NRF1: variants seen among roughly 807,000 people sequenced by gnomAD.
The protein encoded by NRF1 is alpha palindromic-binding protein.
NRF1 carries 5 observed loss-of-function variants against 58.5 expected under a neutral mutation model. The observed-to-expected ratio is 0.09, with a 90% confidence interval of 0.04 to 0.18. The LOEUF is 0.18. Among genes scored for constraint, NRF1 ranks in the 10% least tolerant of loss-of-function variants. NRF1 has a pLI of 1.00. For missense variants in NRF1, 288 were observed against 657.7 expected (o/e 0.44, Z 6.15); for synonymous variants, 224 against 246.7 (o/e 0.91, Z 0.86).
intron 10 of NRF1, among the ~76,000 whole-genome samples, chr7:129,750,398 T>C (rs1021548830): frequency 1.3e-5 from 2 of 152,188 alleles, no homozygotes; most frequent in African/African-American, 4.8e-5. Flanking sequence ...CCCTTTCCCT[T>C]GCCAGGGACA....
Position 129,755,338 on chromosome 7 carries a change from C to A in NRF1, c.*157C>A. 1.5e-6 allele frequency: 1 copy of A among 650,128 alleles called. No homozygotes were observed. Among genetic ancestry groups the A allele is most frequent in the Non-Finnish European group, 2.4e-6 (1 of 421,446 alleles). 40.3% of individuals were successfully genotyped at this position (650,128 alleles called of 1,614,324 possible). On this transcript the variant is annotated 3_prime_UTR_variant, in exon 11 of 11. Transcript: ENST00000393232. The surrounding 1 kb of genome is among the most constrained non-coding windows in gnomAD (Gnocchi z 5.8). ...AGGAAGAAAGCGGATTTTGGAATTG[C>A]ATTTTTTAAAGCACCACTCTTGATT...
chr7:129,645,260 GA>G (rs1801379929), intron 1 of NRF1, among the ~76,000 whole-genome samples: 1 of 152,144 alleles, frequency 6.6e-6, no homozygotes, highest in Admixed American at 6.5e-5. Flanking sequence ...TTACAACTAA[GA>G]CAGAAAAAGT....
At chr7:129,644,545 A>G (rs778979005) in intron 1 of NRF1, among the ~76,000 whole-genome samples, 2 of 152,270 alleles carry the variant, frequency 1.3e-5, no homozygotes, top group Non-Finnish European at 2.9e-5. Context: ...ACATATGGCC[A>G]TTTAATATTA....
rs1415885262 is a variant in NRF1 at position 129,650,349 on chromosome 7, C to T, written c.-6-6997C>T. Among the ~76,000 whole-genome samples the T allele has an allele frequency of 1.4e-4, 22 of 151,950 alleles. 1 individual carries two copies. Among genetic ancestry groups the T allele is most frequent in the Admixed American group, 1.4e-3 (22 of 15,250 alleles). On this transcript the variant is annotated intron_variant, in intron 1 of 10. Transcript: ENST00000393232. ...GAATCACTCTCAAGTCCATCTGCTG[C>T]CTCTTCATTTTGTGCACTGTTGTGA...
chr7:129,713,816 C>G (rs1562980101), intron 8 of NRF1, among the ~76,000 whole-genome samples: 1 of 152,158 alleles, frequency 6.6e-6, no homozygotes, highest in Non-Finnish European at 1.5e-5. Context: ...GAGGTGTAGC[C>G]CCTGAGCTTA....
At chr7:129,727,424 A>C (rs975659827) in intron 10 of NRF1, 59 bp downstream of exon 10, 18 of 1,520,132 alleles carry the variant, frequency 1.2e-5, no homozygotes, top group Non-Finnish European at 1.5e-5. Flanking sequence ...AACCTTCCTG[A>C]CATGACTGGC....
intron 3 of NRF1, among the ~76,000 whole-genome samples, chr7:129,672,378 C>T (rs1290504832): frequency 6.6e-6 from 1 of 151,892 alleles, no homozygotes; most frequent in Non-Finnish European, 1.5e-5. Context: ...TTGACTCTTA[C>T]TCTGAGTGAG....
In NRF1 at chr7:129,742,544, G is replaced by C. The variant is rs193245411; in HGVS notation, c.1349-12474G>C. Among the ~76,000 whole-genome samples, 5 of 152,306 alleles carry C rather than the reference G, an allele frequency of 3.3e-5. No homozygotes were observed. In the East Asian group the frequency reaches 9.6e-4, roughly 29 times the overall value. ...CTGATAGTTTCTCATGCAGAGGCCT[G>C]GTGGGGGAGGGGCTGGAGGGTGTTA... On this transcript the variant is annotated intron_variant, in intron 10 of 10. Coordinates refer to ENST00000393232, the MANE Select transcript of NRF1 (RefSeq NM_005011.5).
intron 1 of NRF1, among the ~76,000 whole-genome samples, chr7:129,620,558 T>C (rs1303065024): frequency 1.3e-5 from 2 of 152,090 alleles, no homozygotes. Context: ...CCAGCTAATT[T>C]TTTATTTTTA....
intron 2 of NRF1, among the ~76,000 whole-genome samples, chr7:129,659,467 C>T (rs1251133306): frequency 6.6e-6 from 1 of 152,200 alleles, no homozygotes; most frequent in Non-Finnish European, 1.5e-5. Flanking sequence ...TGCCTAAAGA[C>T]ACCATTTAAT....
intron 2 of NRF1, among the ~76,000 whole-genome samples, chr7:129,668,624 G>A (rs1801973981): frequency 6.6e-6 from 1 of 151,966 alleles, no homozygotes; most frequent in African/African-American, 2.4e-5. Context: ...AAACAAACTG[G>A]TTTATCCAAA....
intron 2 of NRF1, among the ~76,000 whole-genome samples, chr7:129,665,959 T>G (rs1297423635): frequency 6.6e-6 from 1 of 152,218 alleles, no homozygotes; most frequent in East Asian, 1.9e-4. Flanking sequence ...TATTTCATTT[T>G]CTTTGAAATG....
At chr7:129,635,582 A>G (rs1356725550) in intron 1 of NRF1, among the ~76,000 whole-genome samples, 1 of 152,196 alleles carries the variant, frequency 6.6e-6, no homozygotes, top group African/African-American at 2.4e-5. Context: ...TATCTGGGGT[A>G]TGTATCCAAA....
intron 4 of NRF1, among the ~76,000 whole-genome samples, chr7:129,682,464 A>G (rs909928058): frequency 2.1e-5 from 3 of 146,078 alleles, no homozygotes; most frequent in African/African-American, 8.3e-5. Context: ...TCCCAAAGGA[A>G]AAAAAAAACA....
intron 10 of NRF1, chr7:129,734,993 C>T (rs555200931): frequency 4.1e-5 from 37 of 893,700 alleles, no homozygotes; most frequent in Admixed American, 6.2e-5. Flanking sequence ...GGGTCAGGGG[C>T]GTGTTCATTT....
At chr7:129,635,094 A>G (rs1801139448) in intron 1 of NRF1, among the ~76,000 whole-genome samples, 2 of 152,218 alleles carry the variant, frequency 1.3e-5, no homozygotes, top group Non-Finnish European at 2.9e-5. Context: ...GCAAAATAAA[A>G]CAAGTCCAAG....
chr7:129,671,644 C>T lies in NRF1; in HGVS notation c.338+101C>T, dbSNP rs1180187022. 4.0e-5 allele frequency: 26 copies of T among 653,140 alleles called. 1 individual carries two copies. The highest frequency in any genetic ancestry group is 2.4e-4 in the East Asian group (9 of 37,820). 40.5% of individuals were successfully genotyped at this position (653,140 alleles called of 1,614,324 possible). Reference sequence around the variant, plus strand: ...TTAGGTTTGTCAAGGATGCTTGGTTCGATTCCTTGATGACAGATGTAGACT... The same window carrying T: ...TTAGGTTTGTCAAGGATGCTTGGTTTGATTCCTTGATGACAGATGTAGACT... On this transcript the variant is annotated intron_variant, in intron 3 of 10. Transcript: ENST00000393232.
intron 6 of NRF1, among the ~76,000 whole-genome samples, chr7:129,709,665 A>ACTAAACT (rs1447507603): frequency 6.6e-6 from 1 of 151,868 alleles, no homozygotes; most frequent in Non-Finnish European, 1.5e-5. Flanking sequence ...TACAAGAAAG[A>ACTAAACT]CTAAACTACC....
rs780096080 is a variant in NRF1 at position 129,755,145 on chromosome 7, C to T, written c.1476C>T (p.Asp492=). The stretch of plus-strand genomic sequence containing the variant: ...TATCAGACAGCGCAGTCACCATGGA[C>T]GGCCAAGCTGTGGAGGTGGTGACAT... The part of the protein sequence containing the change: ...TRISDSAVTM[D]GQAVEVVTLE... The change falls in exon 11 of 11, where the codon GAC becomes GAT. Residue 492 remains aspartate, a synonymous_variant. Transcript: ENST00000393232. This position sits in a 1 kb window ranked among gnomAD's most constrained non-coding sequence, Gnocchi z 5.8. 2.2e-5 allele frequency: 35 copies of T among 1,613,202 alleles called. No individual in the cohort carries two copies. The East Asian group carries it at 4.0e-4, about 19-fold the overall frequency.
Sources: allele counts gnomAD v4.1 joint callset (sites outside exome capture counted in the v4.1 genomes callset), GRCh38; gene constraint gnomAD v4.1.1; non-coding constraint Gnocchi (gnomAD v3.1); transcripts MANE v1.5; gene names NCBI Gene and HGNC (gene_info 2026-07-23, HGNC 2026-07-21).